SLC6A6: variants seen among roughly 807,000 people sequenced by gnomAD.
The protein encoded by SLC6A6 is solute carrier family 6 member 6.
SLC6A6 carries 16 observed loss-of-function variants against 68.8 expected under a neutral mutation model. That is an observed-to-expected ratio of 0.23 (90% CI 0.16 to 0.35). The LOEUF is 0.35. SLC6A6 is among the 10% of genes least tolerant of loss of function. SLC6A6 has a pLI of 1.00. For missense variants in SLC6A6, 474 were observed against 802.8 expected (o/e 0.59, Z 4.95); for synonymous variants, 312 against 315.4 (o/e 0.99, Z 0.12).
rs533878850 is a variant in SLC6A6 at position 14,453,242 on chromosome 3, G to A, written c.600-4708G>A. 3.3e-5 allele frequency among the ~76,000 whole-genome samples: 5 copies of A among 152,338 alleles called. No homozygotes were observed. In the South Asian group the frequency reaches 6.2e-4, roughly 19 times the overall value. ...CCGGCTGGACGGCAGCAGGGCGGCC[G>A]ACTCAAAACAGACGTCCAGGCAGTT... On this transcript the variant is annotated intron_variant, in intron 5 of 14. Coordinates refer to ENST00000622186, the MANE Select transcript of SLC6A6 (RefSeq NM_003043.6).
At position 14,417,559 on chromosome 3, in the gene SLC6A6, G is replaced by A. The variant is rs1447106954; in HGVS notation, c.-12+1106G>A. Among the ~76,000 whole-genome samples the A allele has an allele frequency of 4.6e-5, 7 of 151,674 alleles. No individual in the cohort carries two copies. In the South Asian group the frequency reaches 6.2e-4, roughly 13 times the overall value. On this transcript the variant is annotated intron_variant, in intron 2 of 14. Transcript: ENST00000622186. ...ATCCTGGCTAACACGGTGAAACCCT[G>A]TCTCTACTAAAAAACACAAAAAATT...
chr3:14,405,640 C>A (rs1016771258), intron 1 of SLC6A6, among the ~76,000 whole-genome samples: 2 of 152,226 alleles, frequency 1.3e-5, no homozygotes, highest in East Asian at 3.8e-4. Flanking sequence ...GGCTGCATCT[C>A]ATTTTCCTGT....
chr3:14,480,269 G>A (rs1195261067), intron 13 of SLC6A6, among the ~76,000 whole-genome samples: 1 of 152,246 alleles, frequency 6.6e-6, no homozygotes. Flanking sequence ...CAATTGGTGA[G>A]TTTATCTTTG....
In SLC6A6 at chr3:14,467,973, C is replaced by G; in HGVS notation, c.971+17C>G. 1 of 1,608,456 alleles carries G rather than the reference C, an allele frequency of 6.2e-7. No homozygotes were observed. The highest frequency in any genetic ancestry group is 8.5e-7 in the Non-Finnish European group (1 of 1,175,232). ...CTCGTACAGGCAAGTGTTGCGCCGGCGGGCCTGGTGGACTTTAGAAATGAT... is the reference window on the plus strand; with the variant it reads ...CTCGTACAGGCAAGTGTTGCGCCGGGGGGCCTGGTGGACTTTAGAAATGAT... On this transcript the variant is annotated intron_variant, in intron 8 of 14. Coordinates refer to ENST00000622186, the MANE Select transcript of SLC6A6 (RefSeq NM_003043.6).
intron 2 of SLC6A6, among the ~76,000 whole-genome samples, chr3:14,427,926 C>G (rs1480057144): frequency 1.3e-5 from 2 of 152,210 alleles, no homozygotes; most frequent in Non-Finnish European, 2.9e-5. Flanking sequence ...CAGAAGGGTA[C>G]TCAGTACTTT....
intron 1 of SLC6A6, among the ~76,000 whole-genome samples, chr3:14,412,237 C>T (rs1347574577): frequency 6.6e-6 from 1 of 152,068 alleles, no homozygotes; most frequent in Non-Finnish European, 1.5e-5. Context: ...AGGAGGTGTC[C>T]CGATTTGGGG....
At chr3:14,447,430 A>T in intron 4 of SLC6A6, 152 bp from the exon 5 acceptor site, 1 of 901,166 alleles carries the variant, frequency 1.1e-6, no homozygotes, top group Non-Finnish European at 1.7e-6. Context: ...TCAACCAGCC[A>T]TCCATTCACC....
In SLC6A6 at chr3:14,487,823, G is replaced by A. The variant is rs1197360034; in HGVS notation, c.*2816G>A. On this transcript the variant is annotated 3_prime_UTR_variant, in exon 15 of 15. Coordinates refer to ENST00000622186, the MANE Select transcript of SLC6A6 (RefSeq NM_003043.6). ...TGCAGGTTCTCCGAGGTAGGTGCAG[G>A]GAATGGTGAGTGTCTAACCAGGGCT... is the stretch of plus-strand genomic sequence containing the variant. 1 of 152,274 alleles carries A rather than the reference G, an allele frequency of 6.6e-6. No homozygotes were observed. The highest frequency in any genetic ancestry group is 1.5e-5 in the Non-Finnish European group (1 of 68,064). 9.4% of individuals were successfully genotyped at this position (152,274 alleles called of 1,614,324 possible).
chr3:14,483,178 T>C (rs577591582), intron 14 of SLC6A6, among the ~76,000 whole-genome samples: 1 of 151,812 alleles, frequency 6.6e-6, no homozygotes, highest in African/African-American at 2.4e-5. Context: ...TTGGGTGGAG[T>C]GGGGTTGGCA....
In SLC6A6 at chr3:14,443,736, T is replaced by C. The variant is rs1445043579; in HGVS notation, c.102T>C (p.Ala34=). 5 of 1,614,026 alleles carry C rather than the reference T, an allele frequency of 3.1e-6. No individual in the cohort carries two copies. The highest frequency in any genetic ancestry group is 1.7e-5 in the Admixed American group (1 of 60,022). ...KSPGTRPEDE[A]EGKPPQREKW... ...CAGGCACGCGGCCTGAGGACGAGGC[T>C]GAGGGAAAACCTCCGCAGAGGGAGA... The change falls in exon 3 of 15, where the codon GCT becomes GCC. Residue 34 remains alanine (A), a synonymous_variant. Coordinates refer to ENST00000622186, the MANE Select transcript of SLC6A6 (RefSeq NM_003043.6).
intron 2 of SLC6A6, among the ~76,000 whole-genome samples, chr3:14,440,214 G>A (rs1321653700): frequency 6.6e-6 from 1 of 152,072 alleles, no homozygotes; most frequent in Non-Finnish European, 1.5e-5. Flanking sequence ...AAGACTAGTG[G>A]GGTTGAGTGA....
intron 2 of SLC6A6, among the ~76,000 whole-genome samples, chr3:14,440,100 C>T (rs902665868): frequency 1.3e-5 from 2 of 152,046 alleles, no homozygotes; most frequent in African/African-American, 4.8e-5. Context: ...GGAGTGTGTG[C>T]CACATCTTGT....
chr3:14,457,606 C>T (rs961521755), intron 5 of SLC6A6, among the ~76,000 whole-genome samples: 2 of 152,182 alleles, frequency 1.3e-5, no homozygotes, highest in Non-Finnish European at 2.9e-5. Context: ...GTTTGGCCCA[C>T]GGTTGGCACT....
intron 9 of SLC6A6, among the ~76,000 whole-genome samples, chr3:14,471,995 G>A (rs1460894449): frequency 6.6e-6 from 1 of 152,124 alleles, no homozygotes; most frequent in Non-Finnish European, 1.5e-5. Context: ...TGCTGTGTAG[G>A]AGACAGATGC....
intron 6 of SLC6A6, among the ~76,000 whole-genome samples, chr3:14,464,824 C>T (rs937868168): frequency 6.6e-6 from 1 of 152,218 alleles, no homozygotes. Context: ...CCTCCAAGGT[C>T]CCCTGATCCC....
intron 1 of SLC6A6, among the ~76,000 whole-genome samples, chr3:14,410,521 T>C (rs1389387912): frequency 6.6e-6 from 1 of 152,110 alleles, no homozygotes; most frequent in Admixed American, 6.5e-5. Flanking sequence ...CTGCATGGAA[T>C]AGAACGTGGA....
intron 3 of SLC6A6, 70 bp downstream of exon 3, chr3:14,443,933 A>C: frequency 6.3e-6 from 7 of 1,116,196 alleles, no homozygotes; most frequent in Non-Finnish European, 9.5e-6. Context: ...GGCTGGGACC[A>C]GAGCGTGGGT....
intron 3 of SLC6A6, chr3:14,444,761 G>A (rs752992314): frequency 5.3e-5 from 24 of 456,714 alleles, no homozygotes; most frequent in South Asian, 3.7e-4. Flanking sequence ...TTGGGACTGT[G>A]ATGAGTGTCC....
At chr3:14,419,798 C>G (rs61255669) in intron 2 of SLC6A6, among the ~76,000 whole-genome samples, 11 of 152,158 alleles carry the variant, frequency 7.2e-5, no homozygotes, top group South Asian at 2.1e-4. Flanking sequence ...GTGAGCCCCC[C>G]CTAGAGCAAC....
Sources: gnomAD v4.1 joint callset for allele counts (sites outside exome capture counted in the v4.1 genomes callset) on GRCh38, gnomAD v4.1.1 for gene constraint, MANE v1.5 for transcripts, NCBI Gene and HGNC (gene_info 2026-07-23, HGNC 2026-07-21) for gene names.